The following CHGA variants were observed in gnomAD, a reference collection of about 807,000 sequenced individuals.
CHGA encodes the protein chromogranin A, also known as chromogranin-A.
CHGA carries 41 observed loss-of-function variants against 54.4 expected under a neutral mutation model. The ratio of observed to expected loss-of-function variants is 0.75; its 90% confidence interval spans 0.59 to 0.98. The LOEUF (loss-of-function observed/expected upper bound fraction) is 0.98, where lower values mean the gene tolerates loss of function less well. CHGA is among the 50% of genes least tolerant of loss of function. The pLI is 0.00. For synonymous variants in CHGA, 249 were observed against 232.8 expected (o/e 1.07, Z -0.63); for missense variants, 576 against 582.3 (o/e 0.99, Z 0.11).
chr14:92,933,979 T>C (rs1441161333), intron 7 of CHGA, among the ~76,000 whole-genome samples: 2 of 152,110 alleles, frequency 1.3e-5, no homozygotes, highest in Non-Finnish European at 2.9e-5. Context: ...GCAGAGCACC[T>C]GCCCCAGGGC....
At position 92,931,309 on chromosome 14, in the gene CHGA, G is replaced by A; in HGVS notation, c.415G>A (p.Ala139Thr). 4.3e-6 allele frequency: 7 copies of A among 1,613,710 alleles called. No individual in the cohort carries two copies. Among genetic ancestry groups the A allele is most frequent in the Non-Finnish European group, 5.9e-6 (7 of 1,179,976 alleles). Residue 139 changes from alanine (A) to threonine (T), a missense_variant, in exon 6 of 8, where the codon GCA (alanine) becomes ACA (threonine). Transcript: ENST00000216492. ...GGAGAAAAGAGAGGATTCCAAGGAG[G>A]CAGAGAAAAGTGGTGAAGCCACAGA... The part of the protein sequence containing the change: ...VMEKREDSKE[A>T]EKSGEATDGA...
Position 92,931,384 on chromosome 14 carries a change from G to C in CHGA, c.490G>C (p.Glu164Gln). The change falls in exon 6 of 8, where the codon GAG becomes CAG. Residue 164 changes from glutamate (E) to glutamine (Q), a missense_variant. Glu to Gln is a conservative substitution (Grantham distance 29). Coordinates refer to ENST00000216492, the MANE Select transcript of CHGA (RefSeq NM_001275.4). ...LPEPMQESKA[E>Q]GNNQAPGEEE... ...GGAGCCCATGCAGGAGTCCAAGGCT[G>C]AGGGGAACAATCAGGCCCCTGGGGA... The C allele has an allele frequency of 6.2e-7, 1 of 1,613,028 alleles. No individual in the cohort carries two copies. The highest frequency in any genetic ancestry group is 8.5e-7 in the Non-Finnish European group (1 of 1,179,834).
intron 3 of CHGA, among the ~76,000 whole-genome samples, 195 bp from the exon 4 acceptor site, chr14:92,927,355 A>C (rs1886906467): frequency 6.6e-6 from 1 of 152,208 alleles, no homozygotes; most frequent in Non-Finnish European, 1.5e-5. Flanking sequence ...GACTTCTCTG[A>C]TGTAGTAGGA....
At chr14:92,929,912 C>T in intron 5 of CHGA, 97 bp downstream of exon 5, 3 of 874,360 alleles carry the variant, frequency 3.4e-6, no homozygotes, top group Non-Finnish European at 5.5e-6. Flanking sequence ...TCGGGAGCCC[C>T]ACCCATAATC....
At chr14:92,924,857 G>A (rs111232948) in intron 2 of CHGA, among the ~76,000 whole-genome samples, 138 of 152,322 alleles carry the variant, frequency 9.1e-4, no homozygotes, top group African/African-American at 3.1e-3. Context: ...CACGCTGGGT[G>A]TGTACTTGGA....
In CHGA at chr14:92,935,130, C is replaced by T. The variant is rs567683213; in HGVS notation, c.*246C>T. ...AAACATTGACGATTCCTTCTCTGAA[C>T]ACAGGCAGCTTTCTAGAAGTTTCCC... On this transcript the variant is annotated 3_prime_UTR_variant, in exon 8 of 8. Transcript: ENST00000216492. 45 of 489,908 alleles carry T rather than the reference C, an allele frequency of 9.2e-5. No individual in the cohort carries two copies. The highest frequency in any genetic ancestry group is 1.4e-4 in the Non-Finnish European group (40 of 281,622). 30.3% of individuals were successfully genotyped at this position (489,908 alleles called of 1,614,324 possible).
Position 92,928,728 on chromosome 14 carries a change from G to A in CHGA, c.257-989G>A, listed in dbSNP as rs765221642. Among the ~76,000 whole-genome samples the A allele has an allele frequency of 3.3e-5, 5 of 152,160 alleles. 1 individual carries two copies. The highest frequency in any genetic ancestry group is 4.1e-4 in the South Asian group (2 of 4,826). On this transcript the variant is annotated intron_variant, in intron 4 of 7. Transcript: ENST00000216492. Reference sequence around the variant, plus strand: ...CTGAAACATCTCTATTCACATGCACGTGTGTATCCCGTATAAGCAGTATCC... The same window carrying A: ...CTGAAACATCTCTATTCACATGCACATGTGTATCCCGTATAAGCAGTATCC...
At chr14:92,931,197 CCCCACACGTGGCCCAGT>C in intron 5 of CHGA, 36 bp from the exon 6 acceptor site, 1 of 1,521,526 alleles carries the variant, frequency 6.6e-7, no homozygotes, top group Non-Finnish European at 8.9e-7. Flanking sequence ...TGTGGGGAGG[CCCCACACGTGGCCCAGT>C]CCTCAGGGCC....
intron 4 of CHGA, among the ~76,000 whole-genome samples, chr14:92,928,689 T>C (rs1346865960): frequency 6.6e-6 from 1 of 152,224 alleles, no homozygotes; most frequent in Non-Finnish European, 1.5e-5. Context: ...GAGACTATTA[T>C]AGGAGAATGT....
chr14:92,931,578 A>G lies in CHGA; in HGVS notation c.684A>G (p.Glu228=). 6.2e-7 allele frequency: 1 copy of G among 1,610,680 alleles called. No individual in the cohort carries two copies. The change falls in exon 6 of 8, where the codon GAA becomes GAG. Residue 228 remains glutamate, a synonymous_variant. Transcript: ENST00000216492. ...AGCCAGGGTGGCAGGCAAAGAGAGA[A>G]GAGGAGGAGGAGGAGGAGGAGGAGG... The part of the protein sequence containing the change: ...SAEPGWQAKR[E]EEEEEEEEAE...
intron 1 of CHGA, 94 bp downstream of exon 1, chr14:92,923,499 A>C (rs983579369): frequency 1.8e-6 from 2 of 1,110,430 alleles, no homozygotes; most frequent in South Asian, 8.7e-5. Context: ...ACCCCTCCAC[A>C]CTTCCCTTCG....
At chr14:92,924,326 A>C in intron 2 of CHGA, 81 bp downstream of exon 2, 1 of 1,421,078 alleles carries the variant, frequency 7.0e-7, no homozygotes. Context: ...TGCAGGAGTA[A>C]GTTCGGCATA....
chr14:92,929,946 T>G, intron 5 of CHGA, 131 bp downstream of exon 5: 1 of 701,426 alleles, frequency 1.4e-6, no homozygotes, highest in Non-Finnish European at 2.4e-6. Flanking sequence ...TCTCTACAAA[T>G]GGGGAAACTG....
chr14:92,934,661 T>C, intron 7 of CHGA, 140 bp from the exon 8 acceptor site: 3 of 655,402 alleles, frequency 4.6e-6, no homozygotes, highest in Non-Finnish European at 8.1e-6. Context: ...TCATTATCAC[T>C]GTCTCCATGA....
Position 92,934,965 on chromosome 14 carries a change from C to A in CHGA, c.*81C>A. 1 of 1,264,520 alleles carries A rather than the reference C, an allele frequency of 7.9e-7. No individual in the cohort carries two copies. Among genetic ancestry groups the A allele is most frequent in the Non-Finnish European group, 1.1e-6 (1 of 930,550 alleles). 78.3% of individuals were successfully genotyped at this position (1,264,520 alleles called of 1,614,324 possible). On this transcript the variant is annotated 3_prime_UTR_variant, in exon 8 of 8. Coordinates refer to ENST00000216492, the MANE Select transcript of CHGA (RefSeq NM_001275.4). ...CCCTTGGCAGGTCCTGGCCAGATGG[C>A]CCGGATGCTGCTTCCGGTAGGGAGG... is the stretch of plus-strand genomic sequence containing the variant.
chr14:92,923,068 T>G (rs1886813256), upstream of CHGA: 4 of 268,240 alleles, frequency 1.5e-5, no homozygotes, highest in African/African-American at 4.5e-5. Flanking sequence ...ACCTGGGGAG[T>G]GGGGAAAGGG....
chr14:92,931,422 G>A lies in CHGA; in HGVS notation c.528G>A (p.Glu176=), dbSNP rs754195897. ...NNQAPGEEEE[E]EEEATNTHPP... is the part of the protein sequence containing the mutation. ...AGGCCCCTGGGGAGGAAGAGGAGGA[G>A]GAGGAGGAGGCCACCAACACCCACC... Residue 176 remains glutamate, a synonymous_variant, in exon 6 of 8, where the codon GAG becomes GAA. Transcript: ENST00000216492. 3.7e-6 allele frequency: 6 copies of A among 1,609,854 alleles called. No homozygotes were observed. The highest frequency in any genetic ancestry group is 1.3e-5 in the African/African-American group (1 of 74,932).
rs1595063557 is a variant in CHGA, at chr14:92,934,894, T to C, written c.*10T>C. On this transcript the variant is annotated 3_prime_UTR_variant, in exon 8 of 8. Coordinates refer to ENST00000216492, the MANE Select transcript of CHGA (RefSeq NM_001275.4). ...ACTACGGCGGGGCTGAGACACCGGCTGGCAGGGCTGGCCCCAGGGCACCCT... is the reference window on the plus strand; with the variant it reads ...ACTACGGCGGGGCTGAGACACCGGCCGGCAGGGCTGGCCCCAGGGCACCCT... 1 of 1,551,150 alleles carries C rather than the reference T, an allele frequency of 6.4e-7. No homozygotes were observed. Among genetic ancestry groups the C allele is most frequent in the South Asian group, 1.2e-5 (1 of 82,882 alleles).
At chr14:92,929,897 G>C in intron 5 of CHGA, 82 bp downstream of exon 5, 6 of 1,092,530 alleles carry the variant, frequency 5.5e-6, no homozygotes, top group Non-Finnish European at 8.2e-6. Context: ...CAGGGTTCCA[G>C]TGAGTCGGGA....
Sources: allele counts gnomAD v4.1 joint callset (sites outside exome capture counted in the v4.1 genomes callset), GRCh38; gene constraint gnomAD v4.1.1; transcripts MANE v1.5; gene names NCBI Gene and HGNC (gene_info 2026-07-23, HGNC 2026-07-21).